GBP7: variants seen among roughly 807,000 people sequenced by gnomAD.
The protein encoded by GBP7 is guanylate binding protein 7, also known as guanylate-binding protein 7.
GBP7 carries 43 observed loss-of-function variants against 61.3 expected under a neutral mutation model. That is an observed-to-expected ratio of 0.70 (90% CI 0.55 to 0.91). The LOEUF is 0.91. Among genes scored for constraint, GBP7 ranks in the 40% least tolerant of loss-of-function variants. The probability of loss-of-function intolerance (pLI) is 0.00; values close to 1 mark genes in which losing one functional copy is unlikely to be tolerated. For missense variants in GBP7, 717 were observed against 740.5 expected (o/e 0.97, Z 0.37); for synonymous variants, 267 against 271.0 (o/e 0.99, Z 0.14).
intron 3 of GBP7, among the ~76,000 whole-genome samples, chr1:89,153,514 A>G (rs1682249972): frequency 6.6e-6 from 1 of 152,218 alleles, no homozygotes; most frequent in African/African-American, 2.4e-5. Flanking sequence ...TTTCTCAATC[A>G]TGCCTATATT....
intron 8 of GBP7, among the ~76,000 whole-genome samples, chr1:89,145,753 A>G (rs966408664): frequency 9.8e-5 from 15 of 152,342 alleles, no homozygotes; most frequent in African/African-American, 3.4e-4. Flanking sequence ...TTAGAAATAA[A>G]TGTAACCAAA....
intron 3 of GBP7, among the ~76,000 whole-genome samples, chr1:89,162,741 G>A (rs1424919983): frequency 1.3e-5 from 2 of 152,044 alleles, no homozygotes; most frequent in South Asian, 2.1e-4. Flanking sequence ...TTCCTGTTTG[G>A]ATGCCCTTTA....
chr1:89,152,832 A>G (rs962656586), intron 3 of GBP7, 55 bp from the exon 4 acceptor site: 1 of 1,393,582 alleles, frequency 7.2e-7, no homozygotes, highest in Non-Finnish European at 9.9e-7. Flanking sequence ...GATACATCTC[A>G]AGGTCAACTA....
At chr1:89,157,390 C>A (rs889397024) in intron 3 of GBP7, among the ~76,000 whole-genome samples, 2 of 151,986 alleles carry the variant, frequency 1.3e-5, no homozygotes, top group Non-Finnish European at 2.9e-5. Context: ...CACAAAAAAA[C>A]CCTTCAAAAA....
chr1:89,155,127 C>T (rs1269555614), intron 3 of GBP7, among the ~76,000 whole-genome samples: 1 of 152,240 alleles, frequency 6.6e-6, no homozygotes, highest in African/African-American at 2.4e-5. Context: ...AACAGACCTG[C>T]AGCTGAAGGC....
Position 89,164,648 on chromosome 1 carries a change from C to T in GBP7, c.318+83G>A, listed in dbSNP as rs187795850. 3,207 of 1,337,868 alleles carry T rather than the reference C, an allele frequency of 2.4e-3. 5 individuals carry two copies. The highest frequency in any genetic ancestry group is 2.5e-3 in the Non-Finnish European group (2,380 of 947,914). The allele number at this position is 1,337,868 out of a possible 1,614,324, so 82.9% of individuals were successfully genotyped here. On this transcript the variant is annotated intron_variant, in intron 3 of 10. Transcript: ENST00000294671. ...TCAGATTTGTGATTCAGGAATAGGC[C>T]AGAGAAGTTGGATTGATACTATGCA...
chr1:89,156,852 A>C (rs1302836884), intron 3 of GBP7, among the ~76,000 whole-genome samples: 1 of 152,160 alleles, frequency 6.6e-6, no homozygotes, highest in Admixed American at 6.6e-5. Context: ...CTGCATGAAG[A>C]GGACCTAATA....
chr1:89,172,370 A>T (rs956736884), intron 1 of GBP7, among the ~76,000 whole-genome samples: 1 of 152,084 alleles, frequency 6.6e-6, no homozygotes, highest in African/African-American at 2.4e-5. Flanking sequence ...GCATTTAGTC[A>T]TTATGTTTCT....
intron 9 of GBP7, among the ~76,000 whole-genome samples, chr1:89,141,185 T>C (rs1034870297): frequency 6.7e-6 from 1 of 150,220 alleles, no homozygotes; most frequent in Non-Finnish European, 1.5e-5. Flanking sequence ...GTGTACCCTC[T>C]GGACCTAAAA....
chr1:89,137,931 T>C (rs529472184), intron 9 of GBP7, among the ~76,000 whole-genome samples: 1 of 152,282 alleles, frequency 6.6e-6, no homozygotes, highest in South Asian at 2.1e-4. Flanking sequence ...CTCATCCATC[T>C]GATAAACATC....
At chr1:89,146,525 T>A (rs1682067797) in intron 8 of GBP7, among the ~76,000 whole-genome samples, 1 of 152,134 alleles carries the variant, frequency 6.6e-6, no homozygotes, top group Admixed American at 6.5e-5. Context: ...AAACCATATA[T>A]CTGATAAGTG....
At chr1:89,159,893 T>G (rs1015335254) in intron 3 of GBP7, among the ~76,000 whole-genome samples, 1 of 152,196 alleles carries the variant, frequency 6.6e-6, no homozygotes. Context: ...ATCACGCTAC[T>G]ATAAAGACAC....
chr1:89,149,678 T>TG, intron 6 of GBP7, 106 bp from the exon 7 acceptor site: 1 of 942,426 alleles, frequency 1.1e-6, no homozygotes, highest in South Asian at 1.9e-5. Context: ...CCATTTAACA[T>TG]GAATTTTCCC....
chr1:89,147,469 G>A lies in GBP7; in HGVS notation c.1365+98C>T, dbSNP rs372594876. Reference sequence around the variant, plus strand: ...AAGGTATTGCCATGCTTCAATTTTTGTCGATAAATGGTGCTGTGTTCTTAG... The same window carrying A: ...AAGGTATTGCCATGCTTCAATTTTTATCGATAAATGGTGCTGTGTTCTTAG... On this transcript the variant is annotated intron_variant, in intron 8 of 10. Transcript: ENST00000294671. 1.5e-5 allele frequency: 13 copies of A among 878,296 alleles called. No homozygotes were observed. In the African/African-American group the frequency reaches 2.0e-4, roughly 14 times the overall value. The allele number at this position is 878,296 out of a possible 1,614,324, so 54.4% of individuals were successfully genotyped here.
At chr1:89,157,733 A>G (rs532467027) in intron 3 of GBP7, among the ~76,000 whole-genome samples, 47 of 152,124 alleles carry the variant, frequency 3.1e-4, no homozygotes, top group Non-Finnish European at 6.0e-4. Flanking sequence ...ACCAAAAAAA[A>G]AAAGTCCAGG....
intron 7 of GBP7, among the ~76,000 whole-genome samples, chr1:89,148,860 T>C (rs74792641): frequency 0.02 from 2,971 of 152,318 alleles, 35 homozygotes; most frequent in Middle Eastern, 0.048. Flanking sequence ...ATTCTATATG[T>C]ATAATGCTTA....
At position 89,149,497 on chromosome 1, in the gene GBP7, G is replaced by A; in HGVS notation, c.947C>T (p.Ala316Val). 6.2e-7 allele frequency: 1 copy of A among 1,614,126 alleles called. No individual in the cohort carries two copies. The highest frequency in any genetic ancestry group is 8.5e-7 in the Non-Finnish European group (1 of 1,179,974). The change falls in exon 7 of 11, where the codon GCA (alanine) becomes GTA (valine). Residue 316 changes from alanine to valine, a missense_variant. Ala to Val is a moderately conservative substitution (Grantham distance 64). This residue lies in a region of GBP7 where 387 missense variants were observed against 385.2 expected (regional missense o/e 1.00). Transcript: ENST00000294671. ...TGAGTTCTCACACTGGGCCAGAACT[G>A]CCATTGCATTCTCCAGACAAGGAGT... is the stretch of plus-strand genomic sequence containing the variant. ...GATPCLENAM[A>V]VLAQCENSAA...
At chr1:89,171,590 C>A (rs1051164927) in intron 2 of GBP7, among the ~76,000 whole-genome samples, 156 bp downstream of exon 2, 6 of 150,954 alleles carry the variant, frequency 4.0e-5, no homozygotes, top group Admixed American at 6.6e-5. Flanking sequence ...TGACTCCAAT[C>A]CTCCAGAGTG....
intron 1 of GBP7, among the ~76,000 whole-genome samples, chr1:89,175,453 A>G (rs1647716260): frequency 6.6e-6 from 1 of 152,216 alleles, no homozygotes; most frequent in Non-Finnish European, 1.5e-5. Flanking sequence ...TGTAGCATAT[A>G]CTATGCTACC....
Sources: allele counts gnomAD v4.1 joint callset (sites outside exome capture counted in the v4.1 genomes callset), GRCh38; gene constraint gnomAD v4.1.1; regional missense constraint gnomAD v4.1.1; transcripts MANE v1.5; gene names NCBI Gene and HGNC (gene_info 2026-07-23, HGNC 2026-07-21).